The following EYS variants were observed in gnomAD, a reference collection of about 807,000 sequenced individuals.
The protein encoded by EYS is EGF-like photoreceptor maintenance factor, also known as protein eyes shut homolog.
EYS carries 250 observed loss-of-function variants against 282.1 expected under a neutral mutation model. The ratio of observed to expected loss-of-function variants is 0.89; its 90% CI spans 0.80 to 0.98. The LOEUF (loss-of-function observed/expected upper bound fraction) is 0.98. Among genes scored for constraint, EYS ranks in the 50% least tolerant of loss-of-function variants. The probability of loss-of-function intolerance (pLI) is 0.00; values close to 1 mark genes in which losing one functional copy is unlikely to be tolerated. For missense variants in EYS, 4,016 were observed against 3,709.0 expected, an observed-to-expected ratio of 1.08 and a Z score of -2.15; for synonymous variants, 1,355 against 1,282.9, an observed-to-expected ratio of 1.06 and a Z score of -1.20.
intron 19 of EYS, among the ~76,000 whole-genome samples, chr6:64,864,786 AG>A (rs1361830306): frequency 6.6e-6 from 1 of 151,820 alleles, no homozygotes; most frequent in Non-Finnish European, 1.5e-5. Flanking sequence ...CTGTAATCCC[AG>A]CACTTTGGGA....
At chr6:64,344,808 T>C (rs1042343726) in intron 29 of EYS, among the ~76,000 whole-genome samples, 2 of 152,146 alleles carry the variant, frequency 1.3e-5, no homozygotes, top group African/African-American at 2.4e-5. Flanking sequence ...CCCCATGGTC[T>C]CAGCCCAAAA....
At chr6:64,658,648 A>C (rs998209822) in intron 22 of EYS, among the ~76,000 whole-genome samples, 1 of 152,220 alleles carries the variant, frequency 6.6e-6, no homozygotes, top group Non-Finnish European at 1.5e-5. Flanking sequence ...GGGTATCAGC[A>C]GCGGAGGCTG....
intron 26 of EYS, among the ~76,000 whole-genome samples, chr6:64,496,904 A>T (rs1272140192): frequency 6.6e-6 from 1 of 152,082 alleles, no homozygotes; most frequent in East Asian, 1.9e-4. Context: ...CACATAATTT[A>T]GTTGTCTCCT....
intron 30 of EYS, among the ~76,000 whole-genome samples, chr6:64,272,011 C>T (rs1198219723): frequency 6.6e-6 from 1 of 151,954 alleles, no homozygotes; most frequent in Non-Finnish European, 1.5e-5. Context: ...GGATAATAGG[C>T]CCTCACACCT....
intron 30 of EYS, among the ~76,000 whole-genome samples, chr6:64,247,938 A>G (rs1767069522): frequency 6.6e-6 from 1 of 152,122 alleles, no homozygotes; most frequent in Admixed American, 6.5e-5. Context: ...GGGCCTGCTG[A>G]TGACAGGTTT....
At chr6:65,617,805 TG>T (rs1766266306) in intron 2 of EYS, among the ~76,000 whole-genome samples, 2 of 151,354 alleles carry the variant, frequency 1.3e-5, no homozygotes, top group Admixed American at 6.6e-5. Flanking sequence ...ATGTGGTGTT[TG>T]GTTTTTTGCA....
chr6:64,154,256 C>A (rs931801648), intron 31 of EYS, among the ~76,000 whole-genome samples: 1 of 151,916 alleles, frequency 6.6e-6, no homozygotes, highest in African/African-American at 2.4e-5. Flanking sequence ...GCCTGACCAA[C>A]ATGGAAAAAC....
At chr6:63,899,772 G>A (rs1328186299) in intron 35 of EYS, among the ~76,000 whole-genome samples, 1 of 152,174 alleles carries the variant, frequency 6.6e-6, no homozygotes, top group African/African-American at 2.4e-5. Flanking sequence ...GGCCTGTTAG[G>A]ACAGATGCTG....
intron 14 of EYS, among the ~76,000 whole-genome samples, chr6:64,960,852 A>C (rs1411652299): frequency 6.6e-6 from 1 of 151,960 alleles, no homozygotes; most frequent in Non-Finnish European, 1.5e-5. Flanking sequence ...GTTCCCCTCT[A>C]TGTGTCCATG....
intron 22 of EYS, among the ~76,000 whole-genome samples, chr6:64,722,761 G>C (rs767627690): frequency 2.6e-5 from 4 of 152,012 alleles, no homozygotes; most frequent in Non-Finnish European, 5.9e-5. Context: ...TTAACATCTT[G>C]TAACTACCAT....
At chr6:64,227,848 T>C (rs1287061262) in intron 31 of EYS, among the ~76,000 whole-genome samples, 3 of 152,170 alleles carry the variant, frequency 2.0e-5, no homozygotes, top group Non-Finnish European at 4.4e-5. Context: ...CATTTAATAC[T>C]AAGAACATTT....
chr6:64,995,397 A>G (rs987592503), intron 14 of EYS, among the ~76,000 whole-genome samples: 2 of 152,148 alleles, frequency 1.3e-5, no homozygotes, highest in Non-Finnish European at 2.9e-5. Flanking sequence ...ATAGTAATAA[A>G]TCCTAGCAAA....
chr6:64,533,199 A>G (rs1349208097), intron 26 of EYS, among the ~76,000 whole-genome samples: 1 of 152,198 alleles, frequency 6.6e-6, no homozygotes, highest in Non-Finnish European at 1.5e-5. Context: ...AGATCAGAGC[A>G]TATGATGCCT....
intron 2 of EYS, among the ~76,000 whole-genome samples, chr6:65,632,213 G>A (rs1473843987): frequency 1.3e-5 from 2 of 152,136 alleles, no homozygotes; most frequent in Non-Finnish European, 2.9e-5. Flanking sequence ...TGAATGCAAA[G>A]CAACTGCATG....
In EYS at chr6:65,329,526, C is replaced by T. The variant is rs1029443630; in HGVS notation, c.1766+5454G>A. 4 of 982,490 alleles carry T rather than the reference C, an allele frequency of 4.1e-6. No individual in the cohort carries two copies. In the African/African-American group the frequency reaches 7.0e-5, roughly 17 times the overall value. 60.9% of individuals were successfully genotyped at this position (982,490 alleles called of 1,614,324 possible). ...TAGTGGTTTCAAGACTGGCCCCAACCCAAAAATACATTCAATATGACACTT... is the reference window on the plus strand; with the variant it reads ...TAGTGGTTTCAAGACTGGCCCCAACTCAAAAATACATTCAATATGACACTT... On this transcript the variant is annotated intron_variant, in intron 11 of 42. Transcript: ENST00000503581.
At chr6:64,392,271 C>A (rs1175645560) in intron 28 of EYS, among the ~76,000 whole-genome samples, 1 of 147,616 alleles carries the variant, frequency 6.8e-6, no homozygotes, top group Non-Finnish European at 1.5e-5. Context: ...CTGCACCAAG[C>A]AGACCTAATA....
intron 11 of EYS, among the ~76,000 whole-genome samples, chr6:65,308,031 G>A (rs1363454683): frequency 6.9e-6 from 1 of 144,542 alleles, no homozygotes; most frequent in Non-Finnish European, 1.5e-5. Flanking sequence ...GGAGTGCAGT[G>A]GTGTGATCTC....
chr6:64,784,026 T>C (rs1330252650), intron 22 of EYS, among the ~76,000 whole-genome samples: 1 of 152,154 alleles, frequency 6.6e-6, no homozygotes, highest in Admixed American at 6.5e-5. Flanking sequence ...AGAGTTTATG[T>C]ACATATTTTG....
chr6:64,191,167 G>A (rs1765091557), intron 31 of EYS, among the ~76,000 whole-genome samples: 1 of 151,490 alleles, frequency 6.6e-6, no homozygotes, highest in Non-Finnish European at 1.5e-5. Flanking sequence ...CTTTCTTTAT[G>A]GTGTTAAAGT....
Sources: gnomAD v4.1 joint callset for allele counts (sites outside exome capture counted in the v4.1 genomes callset) on GRCh38, gnomAD v4.1.1 for gene constraint, MANE v1.5 for transcripts, NCBI Gene and HGNC (gene_info 2026-07-23, HGNC 2026-07-21) for gene names.